The following IFNAR1 variants were observed in gnomAD, a reference collection of about 807,000 sequenced individuals.
IFNAR1 encodes the protein interferon alpha and beta receptor subunit 1, also known as interferon alpha/beta receptor 1.
In IFNAR1, 47 loss-of-function variants were observed where a neutral mutation model predicts 62.1. The observed-to-expected ratio is 0.76, with a 90% confidence interval of 0.60 to 0.97. The LOEUF is 0.97. Ranked by LOEUF, IFNAR1 falls within the 50% of genes least tolerant of loss-of-function variation. The pLI is 0.00. For synonymous variants in IFNAR1, 219 were observed against 226.9 expected (o/e 0.97, Z 0.31); for missense variants, 638 against 654.5 (o/e 0.97, Z 0.27).
intron 1 of IFNAR1, among the ~76,000 whole-genome samples, chr21:33,330,056 A>G (rs1437014048): frequency 6.6e-6 from 1 of 152,210 alleles, no homozygotes; most frequent in Non-Finnish European, 1.5e-5. Context: ...ATTTTGGTCT[A>G]TTTGAGCTCT....
At chr21:33,353,876 T>C in intron 10 of IFNAR1, 93 bp downstream of exon 10, 1 of 828,138 alleles carries the variant, frequency 1.2e-6, no homozygotes, top group Admixed American at 2.8e-5. Flanking sequence ...TTTCTTGATA[T>C]CCAGAAAATA....
At chr21:33,339,947 A>G (rs77471820) in intron 2 of IFNAR1, among the ~76,000 whole-genome samples, 11 of 151,420 alleles carry the variant, frequency 7.3e-5, no homozygotes, top group South Asian at 2.1e-4. Context: ...AAAAAAAAAA[A>G]AAAGAAATCT....
chr21:33,350,527 G>A (rs930040543), intron 8 of IFNAR1, among the ~76,000 whole-genome samples: 5 of 152,084 alleles, frequency 3.3e-5, no homozygotes, highest in African/African-American at 1.2e-4. Flanking sequence ...ATGAAAAAAG[G>A]GTTGACAAAC....
chr21:33,324,535 C>T (rs2083104274), upstream of IFNAR1: 1 of 156,828 alleles, frequency 6.4e-6, no homozygotes, highest in Non-Finnish European at 1.4e-5. Context: ...CGGAGAAGGG[C>T]GAGGACGAAG....
At chr21:33,344,044 G>C (rs1270723598) in intron 5 of IFNAR1, among the ~76,000 whole-genome samples, 5 of 152,310 alleles carry the variant, frequency 3.3e-5, no homozygotes, top group Non-Finnish European at 7.3e-5. Flanking sequence ...GTAGCTACTT[G>C]GGAGGCTGAG....
chr21:33,352,695 G>T (rs2083410405), intron 8 of IFNAR1, 63 bp from the exon 9 acceptor site: 2 of 868,278 alleles, frequency 2.3e-6, no homozygotes, highest in Non-Finnish European at 3.6e-6. Context: ...AATTGAGAAA[G>T]CACATATTCC....
chr21:33,343,650 G>C lies in IFNAR1; in HGVS notation c.647G>C (p.Ser216Thr), dbSNP rs748450713. The change falls in exon 5 of 11, where the codon AGT becomes ACT. Residue 216 changes from serine to threonine, a missense_variant. Transcript: ENST00000270139. ...ACGTCATGGAAAATTGGTGTCTATA[G>C]TCCAGTACATTGTATAAAGACCACA... ...LLTSWKIGVY[S>T]PVHCIKTTVE... The C allele has an allele frequency of 6.2e-7, 1 of 1,605,826 alleles. No individual in the cohort carries two copies. The highest frequency in any genetic ancestry group is 1.1e-5 in the South Asian group (1 of 90,226).
chr21:33,349,214 TCTC>T lies in IFNAR1; in HGVS notation c.914_916del (p.Leu305del). The T allele has an allele frequency of 6.2e-7, 1 of 1,613,612 alleles. No individual in the cohort carries two copies. Among genetic ancestry groups the T allele is most frequent in the South Asian group, 1.1e-5 (1 of 90,948 alleles). ...ACGTTTTCCAAAAAGGAATTTACCTTCTCCGCGTACAAGCATCTGATGGAAATA... is the reference window on the plus strand; with the variant it reads ...ACGTTTTCCAAAAAGGAATTTACCTTCGCGTACAAGCATCTGATGGAAATA... On this transcript the variant is annotated inframe_deletion, in exon 7 of 11. Transcript: ENST00000270139.
At position 33,358,635 on chromosome 21, in the gene IFNAR1, G is replaced by C. The variant is rs1400235721; in HGVS notation, c.*3086G>C. ...TACCTTGTAACTAAAAATTAGAACA[G>C]CTCCCTAGAATTGTGAACTTTTAAG... On this transcript the variant is annotated 3_prime_UTR_variant, in exon 11 of 11. Coordinates refer to ENST00000270139, the MANE Select transcript of IFNAR1 (RefSeq NM_000629.3). 1.3e-5 allele frequency: 2 copies of C among 151,916 alleles called. No homozygotes were observed. The highest frequency in any genetic ancestry group is 2.4e-5 in the African/African-American group (1 of 41,378). 9.4% of individuals were successfully genotyped at this position (151,916 alleles called of 1,614,324 possible).
chr21:33,352,892 T>C lies in IFNAR1; in HGVS notation c.1278T>C (p.Cys426=). The C allele has an allele frequency of 6.3e-7, 1 of 1,580,312 alleles. No individual in the cohort carries two copies. The highest frequency in any genetic ancestry group is 8.6e-7 in the Non-Finnish European group (1 of 1,160,816). Residue 426 remains cysteine (C), a synonymous_variant, in exon 9 of 11, where the codon TGT becomes TGC. Transcript: ENST00000270139. ...GCAGTGTTTTTAGTGACGCTGTATG[T>C]GAGAAAACAAAACCAGGTCAGAATC... ...NKSSVFSDAV[C]EKTKPGNTSK...
In IFNAR1 at chr21:33,358,753, C is replaced by G. The variant is rs1410769047; in HGVS notation, c.*3204C>G. On this transcript the variant is annotated 3_prime_UTR_variant, in exon 11 of 11. Transcript: ENST00000270139. Reference sequence around the variant, plus strand: ...GTGGCTCATGCCTATAATCTCAGCACTTTTGGGAGGCCAAGACAGGAGGAT... The same window carrying G: ...GTGGCTCATGCCTATAATCTCAGCAGTTTTGGGAGGCCAAGACAGGAGGAT... 2 of 151,980 alleles carry G rather than the reference C, an allele frequency of 1.3e-5. No homozygotes were observed. The highest frequency in any genetic ancestry group is 2.9e-5 in the Non-Finnish European group (2 of 68,024). The allele number at this position is 151,980 out of a possible 1,614,324, so 9.4% of individuals were successfully genotyped here.
chr21:33,333,815 G>T (rs2083206433), intron 1 of IFNAR1, among the ~76,000 whole-genome samples: 1 of 151,736 alleles, frequency 6.6e-6, no homozygotes. Flanking sequence ...AGTAGAGACG[G>T]GGTTTCACCG....
intron 1 of IFNAR1, among the ~76,000 whole-genome samples, chr21:33,331,582 G>A (rs564102200): frequency 6.6e-6 from 1 of 152,248 alleles, no homozygotes; most frequent in East Asian, 1.9e-4. Flanking sequence ...AGTCATCACT[G>A]TGCTGTTCCC....
At chr21:33,354,938 A>G (rs532728659) in intron 10 of IFNAR1, among the ~76,000 whole-genome samples, 11 of 152,120 alleles carry the variant, frequency 7.2e-5, no homozygotes, top group African/African-American at 2.2e-4. Context: ...TAATTTCTCA[A>G]TTGTGCTTCT....
In IFNAR1 at chr21:33,358,386, TAG is replaced by T. The variant is rs17875871; in HGVS notation, c.*2843_*2844del. On this transcript the variant is annotated 3_prime_UTR_variant, in exon 11 of 11. Transcript: ENST00000270139. ...TGAAAATTAGCATATTGATAGTTCT[TAG>T]AGAGACCAGATATAATCTAAGAATT... 3 of 151,908 alleles carry T rather than the reference TAG, an allele frequency of 2.0e-5. No individual in the cohort carries two copies. Among genetic ancestry groups the T allele is most frequent in the African/African-American group, 7.3e-5 (3 of 41,302 alleles). 9.4% of individuals were successfully genotyped at this position (151,908 alleles called of 1,614,324 possible).
intron 3 of IFNAR1, among the ~76,000 whole-genome samples, chr21:33,342,510 G>T (rs571346673): frequency 6.6e-6 from 1 of 152,010 alleles, no homozygotes; most frequent in South Asian, 2.1e-4. Flanking sequence ...CCAATTCCCT[G>T]TCAGCCCTCT....
In IFNAR1 at chr21:33,355,683, A is replaced by G. The variant is rs544971383; in HGVS notation, c.*134A>G. The G allele has an allele frequency of 1.5e-5, 8 of 522,444 alleles. No homozygotes were observed. The African/African-American group carries it at 1.6e-4, about 10-fold the overall frequency. The allele number at this position is 522,444 out of a possible 1,614,324, so 32.4% of individuals were successfully genotyped here. A position where few individuals can be genotyped will look rare whatever the true frequency, so the allele number is the denominator to read the frequency against. ...GGGAAAGAAAAAACATCTTCAGATC[A>G]TAGGTCCTAAAAATACGGGCAAGCT... On this transcript the variant is annotated 3_prime_UTR_variant, in exon 11 of 11. Transcript: ENST00000270139.
intron 1 of IFNAR1, among the ~76,000 whole-genome samples, chr21:33,329,275 C>G (rs913540902): frequency 6.6e-6 from 1 of 152,154 alleles, no homozygotes; most frequent in Non-Finnish European, 1.5e-5. Context: ...TTTTGTTAAA[C>G]TCTGTAAACC....
At chr21:33,342,583 G>A (rs912720007) in intron 3 of IFNAR1, among the ~76,000 whole-genome samples, 4 of 151,702 alleles carry the variant, frequency 2.6e-5, no homozygotes, top group Admixed American at 6.6e-5. Context: ...GGTGGCTCAC[G>A]CCTGTAATCC....
Sources: gnomAD v4.1 joint callset for allele counts (sites outside exome capture counted in the v4.1 genomes callset) on GRCh38, gnomAD v4.1.1 for gene constraint, MANE v1.5 for transcripts, NCBI Gene and HGNC (gene_info 2026-07-23, HGNC 2026-07-21) for gene names.